Variants in PPCS observed in about 807,000 individuals in gnomAD.
The protein encoded by PPCS is phosphopantothenate--cysteine ligase.
Under a neutral mutation model 24.6 loss-of-function variants are expected in PPCS, and 17 were observed. The observed-to-expected ratio is 0.69, with a 90% CI of 0.47 to 1.04. The LOEUF (loss-of-function observed/expected upper bound fraction) is 1.04. PPCS is among the 50% of genes least tolerant of loss of function. The pLI is 0.00. For synonymous variants in PPCS, 190 were observed against 168.3 expected (o/e 1.13, Z -1.00); for missense variants, 360 against 402.8 (o/e 0.89, Z 0.91).
downstream of PPCS, chr1:42,464,310 A>G (rs1167271004): frequency 6.6e-6 from 1 of 152,242 alleles, no homozygotes; most frequent in Admixed American, 6.5e-5. Flanking sequence ...TCAGGCTTAC[A>G]TAATGAAAGA....
At chr1:42,457,495 G>A in intron 2 of PPCS, 145 bp downstream of exon 2, 1 of 682,728 alleles carries the variant, frequency 1.5e-6, no homozygotes, top group East Asian at 2.6e-5. Flanking sequence ...CCTCCCTCAT[G>A]GACCTCACAA....
Position 42,456,974 on chromosome 1 carries a change from G to A in PPCS, c.409G>A (p.Glu137Lys). The A allele has an allele frequency of 1.9e-6, 3 of 1,603,558 alleles. No homozygotes were observed. Among genetic ancestry groups the A allele is most frequent in the South Asian group, 2.2e-5 (2 of 91,090 alleles). The part of the protein sequence containing the change: ...GFAEALRSYQ[E>K]AAAAGTFLAV... Reference sequence around the variant, plus strand: ...TGCTGAGGCTCTGAGGAGCTACCAGGAGGCTGCGGCTGCAGGCACCTTCCT... The same window carrying A: ...TGCTGAGGCTCTGAGGAGCTACCAGAAGGCTGCGGCTGCAGGCACCTTCCT... Residue 137 changes from glutamate (E) to lysine (K), a missense_variant, in exon 1 of 3, where the codon GAG (glutamate) becomes AAG (lysine). Glu to Lys is a moderately conservative substitution (Grantham distance 56, BLOSUM62 1). This residue lies in a region of PPCS where 244 missense variants were observed against 234.7 expected (regional missense o/e 1.04). Transcript: ENST00000372561.
At chr1:42,466,435 A>C (rs575604379) in intron 2 of PPCS, among the ~76,000 whole-genome samples, 1 of 152,310 alleles carries the variant, frequency 6.6e-6, no homozygotes, top group East Asian at 1.9e-4. Flanking sequence ...AAGTTTTTGG[A>C]GGCCTAAACC....
chr1:42,461,833 C>T (rs935563103), downstream of PPCS, among the ~76,000 whole-genome samples: 5 of 152,122 alleles, frequency 3.3e-5, no homozygotes, highest in Non-Finnish European at 7.4e-5. Context: ...GCGTGAGCCA[C>T]CGCGCCCAGC....
chr1:42,456,922 G>A lies in PPCS; in HGVS notation c.357G>A (p.Glu119=), dbSNP rs1292020068. The A allele has an allele frequency of 6.2e-7, 1 of 1,609,826 alleles. No individual in the cohort carries two copies. The highest frequency in any genetic ancestry group is 8.5e-7 in the Non-Finnish European group (1 of 1,180,010). Residue 119 remains glutamate (E), a synonymous_variant, in exon 1 of 3, where the codon GAG becomes GAA. Coordinates refer to ENST00000372561, the MANE Select transcript of PPCS (RefSeq NM_024664.4). ...CCCTTTCGGGCTTGCTGAGCCTGGA[G>A]GCCGAGGAGAATGCACTTCCGGGTT... ...GPALSGLLSL[E]AEENALPGFA... is the part of the protein sequence containing the mutation.
chr1:42,459,830 A>C lies in PPCS; in HGVS notation c.840A>C (p.Leu280=), dbSNP rs142078638. 2.5e-6 allele frequency: 4 copies of C among 1,614,194 alleles called. No homozygotes were observed. The highest frequency in any genetic ancestry group is 3.4e-6 in the Non-Finnish European group (4 of 1,180,014). The part of the protein sequence containing the change: ...VTKDSETKLL[L]SEEEIEKGVE... ...AAGACTCGGAAACCAAGTTATTGCT[A>C]TCAGAGGAAGAAATAGAAAAAGGCG... Residue 280 remains leucine, a synonymous_variant, in exon 3 of 3, where the codon CTA becomes CTC. Transcript: ENST00000372561.
At chr1:42,472,614 A>G (rs1261909564) in intron 2 of PPCS, among the ~76,000 whole-genome samples, 1 of 152,192 alleles carries the variant, frequency 6.6e-6, no homozygotes, top group Non-Finnish European at 1.5e-5. Flanking sequence ...CTTTTCAGAT[A>G]AAAGTTGCAA....
At position 42,457,608 on chromosome 1, in the gene PPCS, C is replaced by A. The variant is rs532170361; in HGVS notation, c.612+258C>A. On this transcript the variant is annotated intron_variant, in intron 2 of 2. Coordinates refer to ENST00000372561, the MANE Select transcript of PPCS (RefSeq NM_024664.4). ...AGTCAGATCATGGGGCGAGTGAATC[C>A]TGGGGGAGTCGATGAAGCTTCTTGG... 5.9e-5 allele frequency: 29 copies of A among 488,780 alleles called. No individual in the cohort carries two copies. In the Middle Eastern group the frequency reaches 1.7e-3, roughly 28 times the overall value. The allele number at this position is 488,780 out of a possible 1,614,324, so 30.3% of individuals were successfully genotyped here.
At chr1:42,467,720 C>T (rs1371018410) in intron 2 of PPCS, 1 of 152,190 alleles carries the variant, frequency 6.6e-6, no homozygotes, top group Non-Finnish European at 1.5e-5. Flanking sequence ...CCCTCAGAGG[C>T]CATATTTGTA....
chr1:42,464,954 C>T (rs1177891454), downstream of PPCS, among the ~76,000 whole-genome samples: 2 of 152,024 alleles, frequency 1.3e-5, no homozygotes, highest in Non-Finnish European at 2.9e-5. Context: ...AAAACAAAAA[C>T]AAGTTCTGCA....
chr1:42,456,790 C>T lies in PPCS; in HGVS notation c.225C>T (p.Ala75=). The change falls in exon 1 of 3, where the codon GCC becomes GCT. Residue 75 remains alanine (A), a synonymous_variant. Coordinates refer to ENST00000372561, the MANE Select transcript of PPCS (RefSeq NM_024664.4). The part of the protein sequence containing the change: ...RGATSAEAFL[A]AGYGVLFLYR... The stretch of plus-strand genomic sequence containing the variant: ...CAACCTCGGCCGAGGCCTTCCTAGC[C>T]GCCGGCTACGGGGTCCTGTTCTTGT... 1 of 1,613,150 alleles carries T rather than the reference C, an allele frequency of 6.2e-7. No homozygotes were observed. The highest frequency in any genetic ancestry group is 1.1e-5 in the South Asian group (1 of 91,062).
At position 42,457,081 on chromosome 1, in the gene PPCS, C is replaced by T; in HGVS notation, c.508+8C>T. ...AGGCACTCAATCCGCTAGGTGCGTG[C>T]CCTAGGAGTACCCCTTTTGCCTGGA... On this transcript the variant is annotated splice_region_variant and intron_variant, in intron 1 of 2. Transcript: ENST00000372561. The T allele has an allele frequency of 6.3e-7, 1 of 1,586,836 alleles. No individual in the cohort carries two copies. The highest frequency in any genetic ancestry group is 8.5e-7 in the Non-Finnish European group (1 of 1,170,700).
chr1:42,469,979 G>A (rs1397815412), intron 2 of PPCS, among the ~76,000 whole-genome samples: 3 of 152,192 alleles, frequency 2.0e-5, no homozygotes, highest in African/African-American at 7.2e-5. Flanking sequence ...GTTCAGATTT[G>A]CATGCCTGTT....
At chr1:42,464,047 C>T (rs1286572359), downstream of PPCS, 1 of 152,262 alleles carries the variant, frequency 6.6e-6, no homozygotes, top group Non-Finnish European at 1.5e-5. Context: ...GTCTGCACCA[C>T]CTCTGTCATC....
rs189430258 is a variant in PPCS at position 42,472,120 on chromosome 1, G to T, written n.378-1002G>T. Among the ~76,000 whole-genome samples, 381 of 152,116 alleles carry T rather than the reference G, an allele frequency of 2.5e-3. 5 individuals carry two copies. The highest frequency in any genetic ancestry group is 1.2e-3 in the Non-Finnish European group (81 of 67,996). ...AATACAAAAATTAGCCAGGTGTGGT[G>T]GCACACACCTGTAATCCCAGCTACT... On this transcript the variant is annotated intron_variant and non_coding_transcript_variant, in intron 2 of 2. Transcript: ENST00000471420.
chr1:42,459,573 G>T (rs769554537), intron 2 of PPCS, 30 bp from the exon 3 acceptor site: 1 of 1,582,002 alleles, frequency 6.3e-7, no homozygotes, highest in South Asian at 1.1e-5. Context: ...ACCATTGTTT[G>T]CTTATTAAGC....
At chr1:42,473,188 A>G (rs1415119811) in exon 3 of PPCS, 1 of 1,231,264 alleles carries the variant, frequency 8.1e-7, no homozygotes, top group South Asian at 4.1e-5. Context: ...CCTTGCTACT[A>G]CAGAAGAACA....
intron 2 of PPCS, among the ~76,000 whole-genome samples, chr1:42,472,541 A>G (rs1643805107): frequency 6.6e-6 from 1 of 152,198 alleles, no homozygotes; most frequent in Admixed American, 6.5e-5. Context: ...ATTTCTAAAT[A>G]TGCAATAAAA....
Position 42,456,670 on chromosome 1 carries a change from G to A in PPCS, c.105G>A (p.Arg35=). The A allele has an allele frequency of 6.2e-7, 1 of 1,603,100 alleles. No homozygotes were observed. The change falls in exon 1 of 3, where the codon CGG becomes CGA. Residue 35 remains arginine (R), a synonymous_variant. Coordinates refer to ENST00000372561, the MANE Select transcript of PPCS (RefSeq NM_024664.4). ...CGGCCAGGCTGGGCGCGCAGGGCCG[G>A]CGGGTGGTGTTGGTTACGTCAGGCG... The part of the protein sequence containing the change: ...RFAARLGAQG[R]RVVLVTSGGT...
Sources: allele counts gnomAD v4.1 joint callset (sites outside exome capture counted in the v4.1 genomes callset), GRCh38; gene constraint gnomAD v4.1.1; regional missense constraint gnomAD v4.1.1; transcripts MANE v1.5; gene names NCBI Gene and HGNC (gene_info 2026-07-23, HGNC 2026-07-21).